Variants in PDE4DIP observed in about 807,000 individuals in gnomAD.
PDE4DIP encodes phosphodiesterase 4D interacting protein, also known as myomegalin.
PDE4DIP carries 59 observed loss-of-function variants against 221.4 expected under a neutral mutation model. That is an observed-to-expected ratio of 0.27 (90% CI 0.22 to 0.33). The LOEUF is 0.33. Ranked by LOEUF, PDE4DIP falls within the 10% of genes least tolerant of loss-of-function variation. The pLI is 1.00. For missense variants in PDE4DIP, 1,036 were observed against 2,154.2 expected, an observed-to-expected ratio of 0.48 and a Z score of 10.28; for synonymous variants, 404 against 815.9, an observed-to-expected ratio of 0.50 and a Z score of 8.60.
Position 149,028,765 on chromosome 1 carries a change from G to A in PDE4DIP, c.6813+62G>A, listed in dbSNP as rs587672080. 2.1e-4 allele frequency: 198 copies of A among 930,848 alleles called. 2 individuals carry two copies. In the South Asian group the frequency reaches 2.7e-3, roughly 13 times the overall value. 57.7% of individuals were successfully genotyped at this position (930,848 alleles called of 1,614,324 possible). ...TTCTCCTGCCCTCCAATACTGTTCTGTCTCCTCAATGTCACAGCTTTTCCA... is the reference window on the plus strand; with the variant it reads ...TTCTCCTGCCCTCCAATACTGTTCTATCTCCTCAATGTCACAGCTTTTCCA... On this transcript the variant is annotated intron_variant, in intron 41 of 43. Coordinates refer to ENST00000369354, the Ensembl canonical transcript of PDE4DIP.
chr1:148,952,554 TCCACGCCCGCCCCCTGCCCGA>T (rs1213500343), intron 5 of PDE4DIP: 1 of 1,353,990 alleles, frequency 7.4e-7, no homozygotes, highest in Non-Finnish European at 9.4e-7. Flanking sequence ...CTTAGGCGTT[TCCACGCCCGCCCCCTGCCCGA>T]GGGGCGGGGC....
intron 12 of PDE4DIP, among the ~76,000 whole-genome samples, 195 bp from the exon 16 acceptor site, chr1:148,967,531 T>C (rs16826687): frequency 0.019 from 2,833 of 152,222 alleles, 1 homozygote; most frequent in African/African-American, 0.066. Context: ...CTATATTTAA[T>C]CTCTCCACAA....
chr1:148,918,622 T>TCTACAC (rs56675078), intron 1 of PDE4DIP, among the ~76,000 whole-genome samples: 2 of 92,240 alleles, frequency 2.2e-5, no homozygotes, highest in African/African-American at 9.2e-5. Flanking sequence ...TCTCTCTCTC[T>TCTACAC]ACACACACAC....
chr1:149,025,442 G>A (rs1290813487), intron 38 of PDE4DIP, among the ~76,000 whole-genome samples: 7 of 152,060 alleles, frequency 4.6e-5, no homozygotes, highest in African/African-American at 7.2e-5. Flanking sequence ...GTCATCATTC[G>A]CTTTCTCTAC....
At chr1:148,843,506 A>G (rs1194072848) in intron 1 of PDE4DIP, among the ~76,000 whole-genome samples, 2 of 82,596 alleles carry the variant, frequency 2.4e-5, no homozygotes, top group African/African-American at 1.1e-4. Context: ...CGAAATTAAC[A>G]TTGCCACATG....
chr1:148,813,796 G>GTAGA (rs1667067874), intron 1 of PDE4DIP, among the ~76,000 whole-genome samples: 1 of 119,162 alleles, frequency 8.4e-6, no homozygotes, highest in Non-Finnish European at 1.7e-5. Flanking sequence ...TTTTTTGCAT[G>GTAGA]TAGATGTACA....
At chr1:148,990,351 G>A in intron 21 of PDE4DIP, 12 of 985,348 alleles carry the variant, frequency 1.2e-5, no homozygotes, top group Non-Finnish European at 1.4e-5. Context: ...GAGATGAGAT[G>A]AGCATTTATT....
At chr1:148,917,817 A>AT (rs5777500) in intron 1 of PDE4DIP, among the ~76,000 whole-genome samples, 38 of 139,350 alleles carry the variant, frequency 2.7e-4, no homozygotes, top group African/African-American at 6.8e-4. Flanking sequence ...TATGTCAGGT[A>AT]TTTTTTTTTA....
chr1:148,996,699 G>A (rs2064303807), intron 22 of PDE4DIP, among the ~76,000 whole-genome samples: 2 of 152,306 alleles, frequency 1.3e-5, no homozygotes, highest in Middle Eastern at 3.4e-3. Context: ...ACTTTGTTAC[G>A]GGGAATAGCA....
At chr1:148,818,106 GC>G in intron 1 of PDE4DIP, among the ~76,000 whole-genome samples, 1 of 149,468 alleles carries the variant, frequency 6.7e-6, no homozygotes, top group Non-Finnish European at 1.5e-5. Flanking sequence ...GAGGCACTGT[GC>G]CCCGCCCATG....
At chr1:148,919,704 T>C (rs1384877082) in intron 1 of PDE4DIP, among the ~76,000 whole-genome samples, 3 of 151,660 alleles carry the variant, frequency 2.0e-5, no homozygotes, top group Non-Finnish European at 4.4e-5. Flanking sequence ...TAAAACCCAT[T>C]CACTAATAGT....
chr1:148,980,386 C>G (rs1272097315), intron 20 of PDE4DIP, among the ~76,000 whole-genome samples: 1 of 151,666 alleles, frequency 6.6e-6, no homozygotes, highest in Non-Finnish European at 1.5e-5. Context: ...AGCGAGACTC[C>G]GTCTCAAAAA....
intron 2 of PDE4DIP, among the ~76,000 whole-genome samples, chr1:148,866,690 AAAAT>A (rs1249891148): frequency 5.4e-5 from 3 of 55,550 alleles, no homozygotes; most frequent in Non-Finnish European, 9.3e-5. Flanking sequence ...GAAAAGAGAA[AAAAT>A]AAAGAAAGAG....
At chr1:149,002,801 TG>T (rs2065968315) in intron 24 of PDE4DIP, 48 bp from the exon 28 acceptor site, 2 of 423,450 alleles carry the variant, frequency 4.7e-6, no homozygotes, top group Non-Finnish European at 8.3e-6. Context: ...CGTCACTGCA[TG>T]GGGGTGACCT....
chr1:148,961,201 G>A (rs1304538971), intron 6 of PDE4DIP, among the ~76,000 whole-genome samples: 3 of 152,110 alleles, frequency 2.0e-5, no homozygotes, highest in South Asian at 2.1e-4. Flanking sequence ...CCACCTACTC[G>A]GGAGGCTGAG....
At chr1:148,998,836 G>T (rs2064943102) in intron 23 of PDE4DIP, among the ~76,000 whole-genome samples, 1 of 151,168 alleles carries the variant, frequency 6.6e-6, no homozygotes, top group Admixed American at 6.6e-5. Context: ...CACCTCTCGG[G>T]TTCATGCCAT....
intron 5 of PDE4DIP, among the ~76,000 whole-genome samples, chr1:148,950,559 A>G (rs1474867346): frequency 4.7e-5 from 7 of 149,714 alleles, no homozygotes; most frequent in Non-Finnish European, 8.9e-5. Context: ...CTTTATAGGA[A>G]GCATGGTGCT....
At chr1:148,956,432 G>GCAACAGT (rs2055360625) in intron 5 of PDE4DIP, among the ~76,000 whole-genome samples, 2 of 151,694 alleles carry the variant, frequency 1.3e-5, no homozygotes, top group South Asian at 4.2e-4. Context: ...AAGAAAAATA[G>GCAACAGT]CAACAGTGTA....
intron 21 of PDE4DIP, among the ~76,000 whole-genome samples, chr1:148,989,875 A>G (rs1553555218): frequency 6.6e-6 from 1 of 152,228 alleles, no homozygotes; most frequent in East Asian, 1.9e-4. Context: ...TTTTTAAAGC[A>G]GCCAAAGATT....
Sources: gnomAD v4.1 joint callset for allele counts (sites outside exome capture counted in the v4.1 genomes callset) on GRCh38, gnomAD v4.1.1 for gene constraint, MANE v1.5 for transcripts, NCBI Gene and HGNC (gene_info 2026-07-23, HGNC 2026-07-21) for gene names.